MCTP1: variants seen among roughly 807,000 people sequenced by gnomAD.
MCTP1 encodes multiple C2 and transmembrane domain-containing protein 1.
In MCTP1, 69 loss-of-function variants were observed where a neutral mutation model predicts 120.6. The ratio of observed to expected loss-of-function variants is 0.57; its 90% confidence interval spans 0.47 to 0.70. The LOEUF (loss-of-function observed/expected upper bound fraction) is 0.70. Ranked by LOEUF, MCTP1 falls within the 30% of genes least tolerant of loss-of-function variation. MCTP1 has a pLI of 0.00. For missense variants in MCTP1, 1,203 were observed against 1,248.8 expected, an observed-to-expected ratio of 0.96 and a Z score of 0.55; for synonymous variants, 529 against 493.1, an observed-to-expected ratio of 1.07 and a Z score of -0.96.
chr5:94,735,678 G>A (rs1487262214), intron 19 of MCTP1, among the ~76,000 whole-genome samples: 2 of 152,144 alleles, frequency 1.3e-5, no homozygotes, highest in Non-Finnish European at 2.9e-5. Context: ...AGCCAAACCA[G>A]TTGAGTATTT....
intron 1 of MCTP1, among the ~76,000 whole-genome samples, chr5:95,081,134 GAAAAC>G (rs887900335): frequency 7.3e-5 from 11 of 151,524 alleles, no homozygotes; most frequent in African/African-American, 2.4e-4. Context: ...AATCCTTCAA[GAAAAC>G]AAAACAAAAC....
intron 17 of MCTP1, among the ~76,000 whole-genome samples, chr5:94,830,288 G>T (rs1788218644): frequency 1.3e-5 from 2 of 152,002 alleles, no homozygotes; most frequent in South Asian, 4.1e-4. Context: ...TATTTACATG[G>T]GCTTCTATAC....
intron 19 of MCTP1, among the ~76,000 whole-genome samples, chr5:94,765,095 T>C (rs1342176014): frequency 6.6e-6 from 1 of 151,986 alleles, no homozygotes; most frequent in Non-Finnish European, 1.5e-5. Context: ...AAAAGAGGAC[T>C]TTGGGAACTG....
At chr5:95,168,077 G>A (rs1326862747) in intron 1 of MCTP1, among the ~76,000 whole-genome samples, 3 of 152,156 alleles carry the variant, frequency 2.0e-5, no homozygotes, top group Non-Finnish European at 4.4e-5. Flanking sequence ...TTTGTATAAG[G>A]TGTAAAGAAG....
At chr5:94,919,555 T>C (rs2153455899) in intron 7 of MCTP1, among the ~76,000 whole-genome samples, 1 of 152,314 alleles carries the variant, frequency 6.6e-6, no homozygotes, top group Non-Finnish European at 1.5e-5. Flanking sequence ...TGAAAGACAT[T>C]GCTTATGTGT....
chr5:95,191,894 T>C (rs958542319), intron 1 of MCTP1, among the ~76,000 whole-genome samples: 26 of 152,164 alleles, frequency 1.7e-4, no homozygotes, highest in African/African-American at 6.0e-4. Flanking sequence ...ACACTGAAGA[T>C]AGAGGTCTTC....
At chr5:95,227,695 T>G (rs1208918536) in intron 1 of MCTP1, among the ~76,000 whole-genome samples, 5 of 152,158 alleles carry the variant, frequency 3.3e-5, no homozygotes, top group Non-Finnish European at 7.4e-5. Flanking sequence ...TTTCTGAAGA[T>G]GGGGGAGCTT....
At chr5:94,711,495 C>CA (rs1173422459) in intron 20 of MCTP1, among the ~76,000 whole-genome samples, 1 of 152,126 alleles carries the variant, frequency 6.6e-6, no homozygotes, top group Non-Finnish European at 1.5e-5. Context: ...AGGAACAAAA[C>CA]AGCCTTGCAA....
intron 10 of MCTP1, among the ~76,000 whole-genome samples, chr5:94,902,015 G>A (rs1311469028): frequency 6.6e-6 from 1 of 152,180 alleles, no homozygotes; most frequent in Non-Finnish European, 1.5e-5. Context: ...TGGCTAACAC[G>A]AAGGGGTCAA....
intron 1 of MCTP1, among the ~76,000 whole-genome samples, chr5:95,112,814 C>T (rs979473732): frequency 2.0e-5 from 3 of 152,148 alleles, no homozygotes; most frequent in South Asian, 2.1e-4. Context: ...ATGGAAGATG[C>T]AACAAATATA....
intron 19 of MCTP1, among the ~76,000 whole-genome samples, chr5:94,729,400 T>G (rs1762709053): frequency 6.6e-6 from 1 of 152,180 alleles, no homozygotes; most frequent in Admixed American, 6.5e-5. Flanking sequence ...GGTGGAGAAC[T>G]GAACCACAGA....
chr5:95,173,271 G>C (rs1050403666), intron 1 of MCTP1, among the ~76,000 whole-genome samples: 1 of 152,132 alleles, frequency 6.6e-6, no homozygotes, highest in Admixed American at 6.5e-5. Context: ...TAACTGACTA[G>C]AGTTACTACT....
At chr5:95,166,717 A>G (rs1746426399) in intron 1 of MCTP1, among the ~76,000 whole-genome samples, 1 of 151,586 alleles carries the variant, frequency 6.6e-6, no homozygotes, top group Non-Finnish European at 1.5e-5. Flanking sequence ...ACAGGCACCC[A>G]CCACCACGCC....
chr5:95,241,033 G>C (rs987965401), intron 1 of MCTP1, among the ~76,000 whole-genome samples: 1 of 151,902 alleles, frequency 6.6e-6, no homozygotes, highest in Non-Finnish European at 1.5e-5. Flanking sequence ...AAACCAACCA[G>C]AGATTCTAAT....
At chr5:94,760,049 G>A (rs1199937088) in intron 19 of MCTP1, among the ~76,000 whole-genome samples, 1 of 147,974 alleles carries the variant, frequency 6.8e-6, no homozygotes, top group Non-Finnish European at 1.5e-5. Flanking sequence ...AACTTATCTG[G>A]AAAAAAAATC....
At chr5:95,156,346 T>A (rs1447048053) in intron 1 of MCTP1, among the ~76,000 whole-genome samples, 1 of 152,178 alleles carries the variant, frequency 6.6e-6, no homozygotes, top group Non-Finnish European at 1.5e-5. Context: ...CAAACACATC[T>A]CTTAGGCACA....
At chr5:95,089,880 C>T (rs1755712344) in intron 1 of MCTP1, among the ~76,000 whole-genome samples, 1 of 152,172 alleles carries the variant, frequency 6.6e-6, no homozygotes, top group Non-Finnish European at 1.5e-5. Flanking sequence ...CATTTTTGCT[C>T]AACACAATTT....
rs1262605280 is a variant in MCTP1, at chr5:94,953,347, A to G, written c.853T>C (p.Tyr285His). ...ARDRGGTSDP[Y>H]VKFKIGGKEV... ...TTTCCTCCGATTTTAAACTTCACATATGGATCACTCGTCCCTGTTAAATAG... is the reference window on the plus strand; with the variant it reads ...TTTCCTCCGATTTTAAACTTCACATGTGGATCACTCGTCCCTGTTAAATAG... The change falls in exon 3 of 23, where the codon TAT (tyrosine) becomes CAT (histidine). Residue 285 changes from tyrosine to histidine, a missense_variant. Tyr to His is a moderately conservative substitution (Grantham distance 83). Around this residue, in one of 2 missense-constraint regions of MCTP1, gnomAD observed 740 missense variants for 871.1 expected, o/e 0.85. Transcript: ENST00000515393. 6.2e-7 allele frequency: 1 copy of G among 1,606,804 alleles called. No individual in the cohort carries two copies. Among genetic ancestry groups the G allele is most frequent in the Non-Finnish European group, 8.5e-7 (1 of 1,175,766 alleles).
Position 94,923,996 on chromosome 5 carries a change from C to A in MCTP1, c.1238G>T (p.Gly413Val). 6.6e-7 allele frequency: 1 copy of A among 1,513,218 alleles called. No individual in the cohort carries two copies. Among genetic ancestry groups the A allele is most frequent in the South Asian group, 1.4e-5 (1 of 73,272 alleles). The allele number at this position is 1,513,218 out of a possible 1,614,324, so 93.7% of individuals were successfully genotyped here. Residue 413 changes from glycine to valine, a missense_variant, in exon 7 of 23, where the codon GGA (glycine) becomes GTA (valine). Physicochemically the swap from Gly to Val is moderately radical, Grantham distance 109. This residue lies in a region of MCTP1 where 740 missense variants were observed against 871.1 expected (regional missense o/e 0.85). Coordinates refer to ENST00000515393, the MANE Select transcript of MCTP1 (RefSeq NM_024717.7). Reference protein sequence around the residue: ...SKELSENEVVGSYFSVKSLFW... With the variant: ...SKELSENEVVVSYFSVKSLFW... ...GAGAGACTTCACAGAGAAATAAGATCCAACCACTTCATTTTCTGAAAGTTC... is the reference window on the plus strand; with the variant it reads ...GAGAGACTTCACAGAGAAATAAGATACAACCACTTCATTTTCTGAAAGTTC...
Sources: allele counts gnomAD v4.1 joint callset (sites outside exome capture counted in the v4.1 genomes callset), GRCh38; gene constraint gnomAD v4.1.1; regional missense constraint gnomAD v4.1.1; transcripts MANE v1.5; gene names NCBI Gene and HGNC (gene_info 2026-07-23, HGNC 2026-07-21).